PTPN2: variants seen among roughly 807,000 people sequenced by gnomAD.
PTPN2 encodes the protein protein tyrosine phosphatase non-receptor type 2.
Under a neutral mutation model 57.3 loss-of-function variants are expected in PTPN2, and 19 were observed. That is an observed-to-expected ratio of 0.33 (90% CI 0.23 to 0.49). PTPN2 has a LOEUF of 0.49. Among genes scored for constraint, PTPN2 ranks in the 20% least tolerant of loss-of-function variants. The probability of loss-of-function intolerance (pLI) is 0.99; values close to 1 mark genes in which losing one functional copy is unlikely to be tolerated. For synonymous variants in PTPN2, 153 were observed against 164.9 expected (o/e 0.93, Z 0.55); for missense variants, 358 against 501.1 (o/e 0.71, Z 2.73).
chr18:12,810,176 G>A (rs2145287400), intron 7 of PTPN2, among the ~76,000 whole-genome samples: 1 of 152,128 alleles, frequency 6.6e-6, no homozygotes, highest in Middle Eastern at 3.4e-3. Flanking sequence ...ATGAGACTCG[G>A]TGTCATGGAG....
intron 7 of PTPN2, among the ~76,000 whole-genome samples, chr18:12,809,290 G>GTCT (rs1350022860): frequency 6.6e-6 from 1 of 152,214 alleles, no homozygotes; most frequent in Non-Finnish European, 1.5e-5. Flanking sequence ...CCAGCATCAT[G>GTCT]TCTAGAAAAT....
At chr18:12,818,003 G>C (rs113942270) in intron 5 of PTPN2, among the ~76,000 whole-genome samples, 1 of 152,008 alleles carries the variant, frequency 6.6e-6, no homozygotes, top group African/African-American at 2.4e-5. Context: ...TTAGCCAGGC[G>C]TGGTGGCGCG....
At chr18:12,804,334 A>C (rs1182015893) in intron 7 of PTPN2, among the ~76,000 whole-genome samples, 4 of 151,168 alleles carry the variant, frequency 2.6e-5, no homozygotes, top group African/African-American at 9.7e-5. Flanking sequence ...TCAAATAAAC[A>C]ACCTGATGTA....
rs1046928862 is a variant in PTPN2, at chr18:12,804,691, A to G, written c.859-2540T>C. Among the ~76,000 whole-genome samples, 7 of 152,340 alleles carry G rather than the reference A, an allele frequency of 4.6e-5. 1 individual carries two copies. The highest frequency in any genetic ancestry group is 4.6e-4 in the Admixed American group (7 of 15,310). ...ACTATCAAAACGGAACCATGAAGAC[A>G]TAGAAAACCTGAACTGACCAATAAA... On this transcript the variant is annotated intron_variant, in intron 7 of 8. Coordinates refer to ENST00000309660, the MANE Select transcript of PTPN2 (RefSeq NM_002828.4).
intron 1 of PTPN2, among the ~76,000 whole-genome samples, chr18:12,878,341 A>G (rs554928302): frequency 1.3e-5 from 2 of 150,296 alleles, no homozygotes; most frequent in South Asian, 2.1e-4. Flanking sequence ...GAAAAAGAAA[A>G]AAAAAGAAAG....
rs766793091 is a variant in PTPN2 at position 12,868,250 on chromosome 18, T to C, written c.70-8996A>G. Among the ~76,000 whole-genome samples, 162 of 151,842 alleles carry C rather than the reference T, an allele frequency of 1.1e-3. 1 individual carries two copies. Among genetic ancestry groups the C allele is most frequent in the Non-Finnish European group, 4.0e-4 (27 of 68,012 alleles). ...TGTCATAGTTGTTGTTTTTTGTTTTTTGTTTTTTTTTGAGATTGAGTCTCA... is the reference window on the plus strand; with the variant it reads ...TGTCATAGTTGTTGTTTTTTGTTTTCTGTTTTTTTTTGAGATTGAGTCTCA... On this transcript the variant is annotated intron_variant, in intron 1 of 8. Transcript: ENST00000309660.
intron 1 of PTPN2, among the ~76,000 whole-genome samples, chr18:12,870,077 G>A (rs1373701580): frequency 6.6e-6 from 1 of 150,926 alleles, no homozygotes; most frequent in African/African-American, 2.4e-5. Context: ...CTTTGAGGAA[G>A]AGAGTTTAGA....
intron 2 of PTPN2, among the ~76,000 whole-genome samples, chr18:12,844,828 T>C (rs2043161474): frequency 6.6e-6 from 1 of 152,184 alleles, no homozygotes; most frequent in Non-Finnish European, 1.5e-5. Context: ...CATCTAGCCT[T>C]ACATCCTGAA....
intron 5 of PTPN2, chr18:12,819,183 CAGTGAAATAAATTTTCTAAAA>C (rs2042186307): frequency 9.7e-7 from 1 of 1,030,682 alleles, no homozygotes; most frequent in African/African-American, 1.7e-5. Flanking sequence ...TAATAAAATA[CAGTGAAATAAATTTTCTAAAA>C]AGTACATACT....
At chr18:12,872,058 A>C (rs1003006538) in intron 1 of PTPN2, among the ~76,000 whole-genome samples, 5 of 78,768 alleles carry the variant, frequency 6.3e-5, no homozygotes, top group Non-Finnish European at 1.4e-4. Context: ...CAAAAAAAAA[A>C]CAAAAAAACA....
intron 6 of PTPN2, 43 bp from the exon 7 acceptor site, chr18:12,814,398 C>T (rs1348558463): frequency 6.6e-7 from 1 of 1,512,038 alleles, no homozygotes; most frequent in East Asian, 2.3e-5. Flanking sequence ...GTTATTGGAA[C>T]CCAGGAAACA....
intron 7 of PTPN2, among the ~76,000 whole-genome samples, chr18:12,807,602 T>TATATATATATATATATATATATATAA (rs2041726153): frequency 1.0e-5 from 1 of 98,672 alleles, no homozygotes; most frequent in Non-Finnish European, 2.1e-5. Context: ...TATATATATA[T>TATATATATATATATATATATATATAA]ATAATATAAT....
At chr18:12,844,509 G>C (rs151258751) in intron 2 of PTPN2, among the ~76,000 whole-genome samples, 126 of 152,236 alleles carry the variant, frequency 8.3e-4, no homozygotes, top group African/African-American at 2.7e-3. Flanking sequence ...ATTTTAATTT[G>C]CATTTTCCTA....
At chr18:12,880,397 TCA>T (rs1417607511) in intron 1 of PTPN2, 2 of 152,222 alleles carry the variant, frequency 1.3e-5, no homozygotes, top group Non-Finnish European at 2.9e-5. Flanking sequence ...AAGTGAGAAG[TCA>T]CACAATCTTG....
chr18:12,870,275 A>G (rs12958078), intron 1 of PTPN2, among the ~76,000 whole-genome samples: 2,066 of 70,268 alleles, frequency 0.029, 142 homozygotes, highest in African/African-American at 0.095. Context: ...ATATATATGT[A>G]TATATATACA....
chr18:12,873,573 G>A (rs1168563473), intron 1 of PTPN2, among the ~76,000 whole-genome samples: 1 of 152,236 alleles, frequency 6.6e-6, no homozygotes, highest in Non-Finnish European at 1.5e-5. Context: ...TGCAGACGGT[G>A]TCTGGTTCAC....
At chr18:12,832,144 G>A (rs2042689968) in intron 3 of PTPN2, among the ~76,000 whole-genome samples, 1 of 152,020 alleles carries the variant, frequency 6.6e-6, no homozygotes, top group Admixed American at 6.6e-5. Flanking sequence ...TTTTTGAGAT[G>A]GTGTCTCTGT....
At position 12,793,454 on chromosome 18, in the gene PTPN2, CTT is replaced by C; in HGVS notation, c.*822_*823del. 1.0e-6 allele frequency: 1 copy of C among 977,326 alleles called. No homozygotes were observed. The highest frequency in any genetic ancestry group is 1.2e-6 in the Non-Finnish European group (1 of 822,060). 60.5% of individuals were successfully genotyped at this position (977,326 alleles called of 1,614,324 possible). A position where few individuals can be genotyped will look rare whatever the true frequency, so the allele number is the denominator to read the frequency against. ...TAATGGGATTTACAGAAACCAATTTCTTTACAAAGTCTTGACCAACTGTTTAC... is the reference window on the plus strand; with the variant it reads ...TAATGGGATTTACAGAAACCAATTTCTACAAAGTCTTGACCAACTGTTTAC... On this transcript the variant is annotated 3_prime_UTR_variant, in exon 9 of 9. Transcript: ENST00000309660.
At chr18:12,873,499 G>A (rs1329634760) in intron 1 of PTPN2, among the ~76,000 whole-genome samples, 7 of 152,216 alleles carry the variant, frequency 4.6e-5, no homozygotes, top group African/African-American at 9.6e-5. Context: ...TGTGTTGGCC[G>A]GGCTGGCCTC....
Sources: gnomAD v4.1 joint callset for allele counts (sites outside exome capture counted in the v4.1 genomes callset) on GRCh38, gnomAD v4.1.1 for gene constraint, MANE v1.5 for transcripts, NCBI Gene and HGNC (gene_info 2026-07-23, HGNC 2026-07-21) for gene names.